Variants in ALK observed in about 807,000 individuals in gnomAD.
ALK encodes ALK tyrosine kinase receptor.
In ALK, 74 loss-of-function variants were observed where a neutral mutation model predicts 163.1. The observed-to-expected ratio is 0.45, with a 90% CI of 0.38 to 0.55. The LOEUF is 0.55. Among genes scored for constraint, ALK ranks in the 20% least tolerant of loss-of-function variants. The pLI is 0.00. For missense variants in ALK, 2,063 were observed against 2,105.3 expected (o/e 0.98, Z 0.39); for synonymous variants, 960 against 843.2 (o/e 1.14, Z -2.40).
intron 3 of ALK, among the ~76,000 whole-genome samples, chr2:29,626,343 C>T (rs1676193451): frequency 6.6e-6 from 1 of 152,184 alleles, no homozygotes; most frequent in South Asian, 2.1e-4. Flanking sequence ...ATATTGTTCT[C>T]GTGGTAGTGA....
At chr2:29,737,370 C>T (rs1451652027) in intron 1 of ALK, among the ~76,000 whole-genome samples, 1 of 151,990 alleles carries the variant, frequency 6.6e-6, no homozygotes, top group South Asian at 2.1e-4. Flanking sequence ...ATTCTCTATA[C>T]AAGTATAGAA....
intron 3 of ALK, among the ~76,000 whole-genome samples, chr2:29,575,809 G>A (rs906937322): frequency 6.6e-6 from 1 of 152,184 alleles, no homozygotes; most frequent in Non-Finnish European, 1.5e-5. Flanking sequence ...TGTGGCCCCA[G>A]CATGGTGTTT....
At chr2:29,394,706 CCTTT>C (rs1669261746) in intron 4 of ALK, among the ~76,000 whole-genome samples, 1 of 152,128 alleles carries the variant, frequency 6.6e-6, no homozygotes, top group Non-Finnish European at 1.5e-5. Context: ...GATCATTTTG[CCTTT>C]CTAACTCTTT....
At chr2:29,290,614 G>A (rs1665997150) in intron 9 of ALK, among the ~76,000 whole-genome samples, 1 of 152,206 alleles carries the variant, frequency 6.6e-6, no homozygotes, top group African/African-American at 2.4e-5. Flanking sequence ...CCTTGTGGCT[G>A]GGGTCTCCTG....
chr2:29,376,450 G>A (rs973900105), intron 5 of ALK, among the ~76,000 whole-genome samples: 2 of 152,168 alleles, frequency 1.3e-5, no homozygotes, highest in Non-Finnish European at 2.9e-5. Context: ...GAAGTAGAAT[G>A]GAAATGTTAA....
At chr2:29,786,257 A>T (rs1293765709) in intron 1 of ALK, among the ~76,000 whole-genome samples, 1 of 152,180 alleles carries the variant, frequency 6.6e-6, no homozygotes, top group Admixed American at 6.5e-5. Context: ...TGTCTATAGA[A>T]CCCGAGAAGG....
intron 3 of ALK, among the ~76,000 whole-genome samples, chr2:29,669,548 A>T (rs543138867): frequency 6.6e-6 from 1 of 152,118 alleles, no homozygotes; most frequent in Non-Finnish European, 1.5e-5. Context: ...TTCTTTATCC[A>T]TTCAGCCACT....
chr2:29,880,559 T>A (rs1413409778), intron 1 of ALK, among the ~76,000 whole-genome samples: 3 of 152,204 alleles, frequency 2.0e-5, no homozygotes, highest in African/African-American at 7.2e-5. Context: ...ACTTTATAAG[T>A]CCCCAGGGAT....
intron 1 of ALK, among the ~76,000 whole-genome samples, chr2:29,839,720 C>A (rs1489404396): frequency 1.3e-5 from 2 of 152,082 alleles, no homozygotes; most frequent in Non-Finnish European, 2.9e-5. Context: ...ATTCTCTTAT[C>A]CTTAAATGGT....
At chr2:29,401,088 C>T (rs1669433481) in intron 4 of ALK, among the ~76,000 whole-genome samples, 1 of 152,134 alleles carries the variant, frequency 6.6e-6, no homozygotes, top group Admixed American at 6.5e-5. Flanking sequence ...TCATCAGATA[C>T]AAAGCACTAA....
chr2:29,490,393 A>T (rs1048916810), intron 4 of ALK, among the ~76,000 whole-genome samples: 1 of 152,218 alleles, frequency 6.6e-6, no homozygotes, highest in African/African-American at 2.4e-5. Flanking sequence ...GGGAAAAAGG[A>T]GTTTAAATAC....
At position 29,531,855 on chromosome 2, in the gene ALK, T is replaced by C. The variant is rs11689790; in HGVS notation, c.1154+60A>G. 0.16 allele frequency: 248,602 copies of C among 1,563,536 alleles called. 22,193 individuals carry two copies. Among genetic ancestry groups the C allele is most frequent in the Non-Finnish European group, 0.19 (213,554 of 1,135,952 alleles). ...GTAGATGTCACAGACTCTGGAAATG[T>C]GTAACCAAAAGCCAAATCACCTGGT... is the stretch of plus-strand genomic sequence containing the variant. On this transcript the variant is annotated intron_variant, in intron 4 of 28. Transcript: ENST00000389048.
At chr2:29,580,714 C>T (rs1206076621) in intron 3 of ALK, among the ~76,000 whole-genome samples, 2 of 152,210 alleles carry the variant, frequency 1.3e-5, no homozygotes, top group Non-Finnish European at 2.9e-5. Flanking sequence ...AAATTGCCAT[C>T]CAGATGACAG....
intron 9 of ALK, among the ~76,000 whole-genome samples, chr2:29,282,461 G>C (rs1331100506): frequency 6.6e-6 from 1 of 152,190 alleles, no homozygotes; most frequent in East Asian, 1.9e-4. Context: ...TCATGGCTAG[G>C]AATGTGTGTC....
chr2:29,702,852 A>G (rs1011384900), intron 2 of ALK, among the ~76,000 whole-genome samples: 1 of 152,250 alleles, frequency 6.6e-6, no homozygotes, highest in African/African-American at 2.4e-5. Context: ...CCACGATTCA[A>G]TTACGTCCCA....
chr2:29,420,980 G>C (rs1266327754), intron 4 of ALK, among the ~76,000 whole-genome samples: 1 of 151,564 alleles, frequency 6.6e-6, no homozygotes, highest in Non-Finnish European at 1.5e-5. Context: ...AACTTGTCAG[G>C]AAAAGCAATG....
intron 5 of ALK, among the ~76,000 whole-genome samples, chr2:29,374,655 A>T (rs1209021236): frequency 1.3e-5 from 2 of 152,176 alleles, no homozygotes; most frequent in African/African-American, 4.8e-5. Flanking sequence ...TGAAAGGTGG[A>T]GGGTGCGCTG....
intron 1 of ALK, among the ~76,000 whole-genome samples, chr2:29,798,794 C>T (rs1664388280): frequency 1.3e-5 from 2 of 152,082 alleles, no homozygotes; most frequent in South Asian, 4.1e-4. Flanking sequence ...AAACCTCAAT[C>T]CTAGAGAGAA....
chr2:29,494,029 C>A (rs540794940), intron 4 of ALK, among the ~76,000 whole-genome samples: 24 of 152,286 alleles, frequency 1.6e-4, no homozygotes, highest in African/African-American at 5.5e-4. Context: ...AGGCAGGTTG[C>A]TCAGTGTCTG....
Sources: gnomAD v4.1 joint callset for allele counts (sites outside exome capture counted in the v4.1 genomes callset) on GRCh38, gnomAD v4.1.1 for gene constraint, MANE v1.5 for transcripts, NCBI Gene and HGNC (gene_info 2026-07-23, HGNC 2026-07-21) for gene names.